The following NAALADL2 variants were observed in gnomAD, a reference collection of about 807,000 sequenced individuals.
The protein encoded by NAALADL2 is inactive N-acetylated-alpha-linked acidic dipeptidase-like protein 2.
In NAALADL2, 76 loss-of-function variants were observed where a neutral mutation model predicts 87.2. That is an observed-to-expected ratio of 0.87 (90% CI 0.72 to 1.05). The LOEUF (loss-of-function observed/expected upper bound fraction) is 1.05. Ranked by LOEUF, NAALADL2 falls within the 50% of genes least tolerant of loss-of-function variation. NAALADL2 has a pLI of 0.00. For synonymous variants in NAALADL2, 354 were observed against 331.0 expected, an observed-to-expected ratio of 1.07 and a Z score of -0.75; for missense variants, 1,089 against 945.8, an observed-to-expected ratio of 1.15 and a Z score of -1.99.
chr3:175,530,184 C>T lies in NAALADL2; in HGVS notation c.1654-45857C>T, dbSNP rs768908113. The stretch of plus-strand genomic sequence containing the variant: ...GCTGAGTGGTGTCCACAGAACAGGT[C>T]ATCCTATCCACTCGATTATTAAAAT... On this transcript the variant is annotated intron_variant, in intron 9 of 13. Coordinates refer to ENST00000454872, the MANE Select transcript of NAALADL2 (RefSeq NM_207015.3). Among the ~76,000 whole-genome samples the T allele has an allele frequency of 4.0e-4, 61 of 152,266 alleles. 1 individual carries two copies. The highest frequency in any genetic ancestry group is 6.8e-3 in the Middle Eastern group (2 of 294).
At chr3:174,565,894 C>G (rs1714199616) in intron 2 of NAALADL2, among the ~76,000 whole-genome samples, 1 of 151,934 alleles carries the variant, frequency 6.6e-6, no homozygotes, top group African/African-American at 2.4e-5. Flanking sequence ...TCAGACATTT[C>G]CTTTTGTATA....
chr3:174,683,151 T>C (rs1185706325), intron 2 of NAALADL2, among the ~76,000 whole-genome samples: 3 of 152,104 alleles, frequency 2.0e-5, no homozygotes, highest in African/African-American at 7.2e-5. Context: ...GCATAATTGA[T>C]CCAGCAGAAT....
intron 5 of NAALADL2, among the ~76,000 whole-genome samples, chr3:175,385,993 G>A (rs538677646): frequency 6.6e-6 from 1 of 151,996 alleles, no homozygotes; most frequent in East Asian, 1.9e-4. Context: ...ATAAATAGTC[G>A]ATAGCCTGTG....
At chr3:174,460,860 T>A (rs1716172359) in intron 1 of NAALADL2, among the ~76,000 whole-genome samples, 1 of 152,044 alleles carries the variant, frequency 6.6e-6, no homozygotes, top group Admixed American at 6.6e-5. Flanking sequence ...TAAAAGACTT[T>A]ACTTAAGATT....
intron 11 of NAALADL2, among the ~76,000 whole-genome samples, chr3:175,636,163 A>C (rs1728501334): frequency 6.6e-6 from 1 of 151,880 alleles, no homozygotes; most frequent in African/African-American, 2.4e-5. Context: ...AATCACACTA[A>C]TCAATCTTAG....
intron 2 of NAALADL2, among the ~76,000 whole-genome samples, chr3:174,552,795 CAAAAAAAAAAAAAA>C (rs1164243901): frequency 1.8e-5 from 1 of 55,976 alleles, no homozygotes; most frequent in African/African-American, 5.6e-5. Context: ...GACCCTGCCT[CAAAAAAAAAAAAAA>C]AAAAAAAAAA....
rs570614935 is a variant in NAALADL2 at position 175,297,383 on chromosome 3, T to A, written c.940-26792T>A. ...GGGATAGTTTTTTCCATGAGTGTTGTAACCTCAAACTGCAATTTTCACCAT... is the reference window on the plus strand; with the variant it reads ...GGGATAGTTTTTTCCATGAGTGTTGAAACCTCAAACTGCAATTTTCACCAT... On this transcript the variant is annotated intron_variant, in intron 4 of 13. Coordinates refer to ENST00000454872, the MANE Select transcript of NAALADL2 (RefSeq NM_207015.3). Among the ~76,000 whole-genome samples the A allele has an allele frequency of 8.3e-4, 126 of 152,288 alleles. 1 individual carries two copies. Among genetic ancestry groups the A allele is most frequent in the African/African-American group, 2.9e-3 (119 of 41,574 alleles).
At chr3:174,776,685 T>A (rs555138191) in intron 3 of NAALADL2, among the ~76,000 whole-genome samples, 1 of 152,268 alleles carries the variant, frequency 6.6e-6, no homozygotes, top group South Asian at 2.1e-4. Flanking sequence ...TTGCTTTTAG[T>A]TTTACTTATT....
chr3:174,600,854 C>A (rs1030637349), intron 2 of NAALADL2, among the ~76,000 whole-genome samples: 3 of 152,090 alleles, frequency 2.0e-5, no homozygotes, highest in African/African-American at 7.2e-5. Context: ...GAAATCTGCT[C>A]CCATGATCCA....
At chr3:174,904,360 G>T (rs1261623140) in intron 1 of NAALADL2, among the ~76,000 whole-genome samples, 1 of 151,832 alleles carries the variant, frequency 6.6e-6, no homozygotes, top group African/African-American at 2.4e-5. Context: ...CTGTATATCT[G>T]CCAATGAAGT....
intron 1 of NAALADL2, among the ~76,000 whole-genome samples, chr3:175,037,230 G>A (rs1156767082): frequency 6.6e-6 from 1 of 152,086 alleles, no homozygotes; most frequent in Non-Finnish European, 1.5e-5. Flanking sequence ...GACATGAAAG[G>A]CACTGGTGAT....
chr3:175,168,588 CTT>C (rs1482806724), intron 2 of NAALADL2, among the ~76,000 whole-genome samples: 1 of 151,674 alleles, frequency 6.6e-6, no homozygotes, highest in African/African-American at 2.4e-5. Flanking sequence ...AAATTAGACA[CTT>C]TTTCATATTC....
intron 1 of NAALADL2, among the ~76,000 whole-genome samples, chr3:174,885,117 T>C (rs561412180): frequency 6.4e-4 from 98 of 152,108 alleles, no homozygotes; most frequent in Non-Finnish European, 1.2e-3. Context: ...AGTGTCCCCA[T>C]TGTCATTAGG....
chr3:174,998,486 T>G (rs568465239), intron 1 of NAALADL2, among the ~76,000 whole-genome samples: 2 of 152,322 alleles, frequency 1.3e-5, no homozygotes, highest in East Asian at 3.9e-4. Flanking sequence ...TCCTGGAGCT[T>G]AATTTAGGTT....
At chr3:175,324,037 A>C (rs539534489) in intron 4 of NAALADL2, 138 bp from the exon 5 acceptor site, 2 of 645,766 alleles carry the variant, frequency 3.1e-6, no homozygotes, top group East Asian at 6.2e-5. Flanking sequence ...ACAAAAAAAA[A>C]AAAAAAGAAA....
At chr3:174,754,647 A>G (rs1471991198) in intron 3 of NAALADL2, among the ~76,000 whole-genome samples, 3 of 152,028 alleles carry the variant, frequency 2.0e-5, no homozygotes, top group Non-Finnish European at 2.9e-5. Context: ...ACTATGAGCT[A>G]TTTTTTAAGA....
chr3:174,488,452 G>C (rs765183440), intron 1 of NAALADL2, among the ~76,000 whole-genome samples: 1 of 152,048 alleles, frequency 6.6e-6, no homozygotes. Flanking sequence ...TAGAGTGCCT[G>C]AGCACAAGGT....
At chr3:175,125,093 C>T (rs55936118) in intron 2 of NAALADL2, among the ~76,000 whole-genome samples, 11,948 of 151,984 alleles carry the variant, frequency 0.079, 589 homozygotes, top group Non-Finnish European at 0.11. Flanking sequence ...TTCAGTATAG[C>T]AGCCACTAGC....
At chr3:175,714,487 A>T (rs1257299506) in intron 11 of NAALADL2, among the ~76,000 whole-genome samples, 1 of 152,076 alleles carries the variant, frequency 6.6e-6, no homozygotes, top group Non-Finnish European at 1.5e-5. Flanking sequence ...ACCAGTGTTG[A>T]TGAGCTTTTT....
Sources: gnomAD v4.1 joint callset for allele counts (sites outside exome capture counted in the v4.1 genomes callset) on GRCh38, gnomAD v4.1.1 for gene constraint, MANE v1.5 for transcripts, NCBI Gene and HGNC (gene_info 2026-07-23, HGNC 2026-07-21) for gene names.